Variants in KANK1 observed in about 807,000 individuals in gnomAD.
The protein encoded by KANK1 is KN motif and ankyrin repeat domain-containing protein 1.
A neutral mutation model predicts 106.2 loss-of-function variants in KANK1; 109 were observed. The ratio of observed to expected loss-of-function variants is 1.03; its 90% CI spans 0.88 to 1.20. The LOEUF is 1.20. KANK1 is among the 50% of genes most tolerant of loss of function. The pLI, the probability that KANK1 is intolerant of heterozygous loss-of-function variation, is 0.00. For synonymous variants in KANK1, 873 were observed against 652.2 expected, an observed-to-expected ratio of 1.34 and a Z score of -5.16; for missense variants, 2,399 against 1,710.7, an observed-to-expected ratio of 1.40 and a Z score of -7.10.
At chr9:722,642 T>A (rs560601395) in intron 3 of KANK1, among the ~76,000 whole-genome samples, 3 of 152,008 alleles carry the variant, frequency 2.0e-5, no homozygotes, top group South Asian at 2.1e-4. Context: ...CCAGCCAGAG[T>A]TTCAACACCA....
rs1165992354 is a variant in KANK1 at position 711,091 on chromosome 9, G to C, written c.325G>C (p.Ala109Pro). The C allele has an allele frequency of 3.1e-6, 5 of 1,614,082 alleles. No homozygotes were observed. The highest frequency in any genetic ancestry group is 4.2e-6 in the Non-Finnish European group (5 of 1,180,036). The change falls in exon 3 of 12, where the codon GCC becomes CCC. Residue 109 changes from alanine (A) to proline (P), a missense_variant. Ala to Pro is a conservative substitution (Grantham distance 27). Transcript: ENST00000382297. ...DNKQCPNFLI[A>P]RSQVTSTPIS... Reference sequence around the variant, plus strand: ...CAAGCAGTGCCCCAACTTCCTCATAGCCAGAAGTCAAGTTACATCAACTCC... The same window carrying C: ...CAAGCAGTGCCCCAACTTCCTCATACCCAGAAGTCAAGTTACATCAACTCC...
intron 2 of KANK1, among the ~76,000 whole-genome samples, chr9:699,936 C>A (rs1019069760): frequency 1.3e-5 from 2 of 152,224 alleles, no homozygotes; most frequent in East Asian, 3.9e-4. Context: ...GAGCTGTGAT[C>A]GTGCCGCTAC....
chr9:523,190 A>G (rs988029001), intron 1 of KANK1, among the ~76,000 whole-genome samples: 2 of 151,486 alleles, frequency 1.3e-5, no homozygotes, highest in African/African-American at 4.9e-5. Context: ...TGTGGTGGCC[A>G]CCTCAAATTC....
intron 3 of KANK1, among the ~76,000 whole-genome samples, chr9:496,734 ATTC>A (rs1329200133): frequency 6.6e-6 from 1 of 152,174 alleles, no homozygotes; most frequent in Non-Finnish European, 1.5e-5. Flanking sequence ...TCTTGGGATT[ATTC>A]TTATTTTTGT....
chr9:509,508 A>T (rs187088796), intron 1 of KANK1, among the ~76,000 whole-genome samples: 1 of 152,100 alleles, frequency 6.6e-6, no homozygotes, highest in African/African-American at 2.4e-5. Context: ...TCAATTTTGT[A>T]TTTTGTTTCT....
intron 1 of KANK1, among the ~76,000 whole-genome samples, chr9:518,152 C>T (rs1004624718): frequency 2.6e-5 from 4 of 151,824 alleles, no homozygotes; most frequent in Admixed American, 1.3e-4. Context: ...GGAGGAAACA[C>T]TGCTAAAGGG....
intron 1 of KANK1, among the ~76,000 whole-genome samples, chr9:653,336 TCCA>T (rs1841349798): frequency 6.6e-6 from 1 of 152,088 alleles, no homozygotes; most frequent in African/African-American, 2.4e-5. Context: ...TTTGCTTGTC[TCCA>T]AGCTCTGCTC....
rs3028166 is a variant in KANK1, at chr9:598,620, C to CTTTTTTTTTT, written c.-83-78249_-83-78240dup. 4.0e-3 allele frequency among the ~76,000 whole-genome samples: 185 copies of CTTTTTTTTTT among 46,678 alleles called. 39 individuals carry two copies. Among genetic ancestry groups the CTTTTTTTTTT allele is most frequent in the Non-Finnish European group, 5.8e-3 (134 of 23,144 alleles). 30.6% of individuals were successfully genotyped at this position (46,678 alleles called of 152,430 possible). On this transcript the variant is annotated intron_variant, in intron 1 of 11. Transcript: ENST00000382297. The stretch of plus-strand genomic sequence containing the variant: ...TTTTTTGTTTTGTTTTGTTGGTTTT[C>CTTTTTTTTTT]TTTTTTTTTTTTTTTTTTTTTTTTT...
chr9:593,220 T>A lies in KANK1; in HGVS notation c.-83-83670T>A, dbSNP rs948259087. Among the ~76,000 whole-genome samples the A allele has an allele frequency of 2.6e-5, 4 of 151,868 alleles. 1 individual carries two copies. Among genetic ancestry groups the A allele is most frequent in the African/African-American group, 9.7e-5 (4 of 41,140 alleles). On this transcript the variant is annotated intron_variant, in intron 1 of 11. Transcript: ENST00000382297. ...AGACCATGTGTTCCAGTTTTTGGTT[T>A]GGAAAATATGGATTATTATTCTTTT...
chr9:563,444 T>C (rs1351543731), intron 1 of KANK1, among the ~76,000 whole-genome samples: 1 of 152,230 alleles, frequency 6.6e-6, no homozygotes, highest in Admixed American at 6.5e-5. Context: ...ATAAACATGC[T>C]GTTTTATTTG....
intron 1 of KANK1, among the ~76,000 whole-genome samples, chr9:623,850 T>C (rs916447214): frequency 1.3e-5 from 2 of 151,948 alleles, no homozygotes; most frequent in African/African-American, 4.9e-5. Flanking sequence ...AAAAATCAAC[T>C]ATATGATCCA....
intron 1 of KANK1, among the ~76,000 whole-genome samples, chr9:542,382 A>G (rs2060656167): frequency 6.6e-6 from 1 of 152,256 alleles, no homozygotes; most frequent in South Asian, 2.1e-4. Context: ...ATCTACTAGA[A>G]TGGATATTAT....
intron 3 of KANK1, among the ~76,000 whole-genome samples, chr9:716,009 A>G (rs1333029666): frequency 6.6e-6 from 1 of 152,216 alleles, no homozygotes; most frequent in Non-Finnish European, 1.5e-5. Context: ...CACAGTCTAG[A>G]ATGTATTTCT....
At chr9:569,064 A>G (rs996914219) in intron 1 of KANK1, among the ~76,000 whole-genome samples, 14 of 152,078 alleles carry the variant, frequency 9.2e-5, no homozygotes, top group African/African-American at 3.4e-4. Flanking sequence ...ACTGTGGGGC[A>G]TTGGGAGGCT....
intron 2 of KANK1, among the ~76,000 whole-genome samples, chr9:690,261 C>A (rs1423536451): frequency 1.3e-5 from 2 of 150,358 alleles, no homozygotes; most frequent in African/African-American, 4.9e-5. Context: ...AGCCGAGATC[C>A]CGCCATTGTA....
chr9:522,188 T>G (rs2133243316), intron 1 of KANK1, among the ~76,000 whole-genome samples: 1 of 151,996 alleles, frequency 6.6e-6, no homozygotes, highest in South Asian at 2.1e-4. Flanking sequence ...ATTTACTAAT[T>G]TAGGTCTCAT....
In KANK1 at chr9:545,518, C is replaced by T. The variant is rs146163057; in HGVS notation, c.-84+40764C>T. On this transcript the variant is annotated intron_variant, in intron 1 of 11. Transcript: ENST00000382297. Reference sequence around the variant, plus strand: ...TTAGGGCAGAACTCTGAAGAGCAACCTGCAAAGGAGACTGAGGAGGAATGG... The same window carrying T: ...TTAGGGCAGAACTCTGAAGAGCAACTTGCAAAGGAGACTGAGGAGGAATGG... 3.5e-3 allele frequency among the ~76,000 whole-genome samples: 535 copies of T among 152,138 alleles called. 5 individuals carry two copies. The highest frequency in any genetic ancestry group is 0.011 in the African/African-American group (462 of 41,510).
In KANK1 at chr9:608,227, C is replaced by T. The variant is rs1182902081; in HGVS notation, c.-83-68663C>T. On this transcript the variant is annotated intron_variant, in intron 1 of 11. Transcript: ENST00000382297. ...TAATTTTTTGTATTTTTAGTAGAGA[C>T]GGGGTTTCACCTTGTTAGCCAGGAT... Among the ~76,000 whole-genome samples, 10 of 150,052 alleles carry T rather than the reference C, an allele frequency of 6.7e-5. No individual in the cohort carries two copies. In the East Asian group the frequency reaches 1.7e-3, roughly 26 times the overall value.
In KANK1 at chr9:740,994, G is replaced by A; in HGVS notation, c.3696+60G>A. The A allele has an allele frequency of 3.8e-6, 6 of 1,586,888 alleles. No individual in the cohort carries two copies. The Admixed American group carries it at 5.3e-5, about 14-fold the overall frequency. On this transcript the variant is annotated intron_variant, in intron 9 of 11. Transcript: ENST00000382297. ...CCCGTAACCAGCAGACAGGACTGCG[G>A]TGGCCATTCTGGCAGAGCAGGCATA...
Sources: allele counts gnomAD v4.1 joint callset (sites outside exome capture counted in the v4.1 genomes callset), GRCh38; gene constraint gnomAD v4.1.1; transcripts MANE v1.5; gene names NCBI Gene and HGNC (gene_info 2026-07-23, HGNC 2026-07-21).